Variants in BEAN1 observed in about 807,000 individuals in gnomAD.
BEAN1 encodes protein BEAN1.
Under a neutral mutation model 17.7 loss-of-function variants are expected in BEAN1, and 17 were observed. The observed-to-expected ratio is 0.96, with a 90% CI of 0.66 to 1.44. The LOEUF (loss-of-function observed/expected upper bound fraction) is 1.44. Among genes scored for constraint, BEAN1 ranks in the 40% most tolerant of loss-of-function variants. The pLI is 0.00. For synonymous variants in BEAN1, 142 were observed against 151.8 expected (o/e 0.94, Z 0.47); for missense variants, 359 against 374.1 (o/e 0.96, Z 0.33).
At chr16:66,466,931 C>T (rs1487514683) in intron 2 of BEAN1, among the ~76,000 whole-genome samples, 4 of 152,108 alleles carry the variant, frequency 2.6e-5, no homozygotes, top group Non-Finnish European at 2.9e-5. Context: ...GCAGACAAAT[C>T]CAATTTGTCA....
intron 4 of BEAN1, among the ~76,000 whole-genome samples, chr16:66,489,790 T>C (rs184102522): frequency 1.4e-4 from 21 of 152,200 alleles, no homozygotes; most frequent in African/African-American, 5.1e-4. Flanking sequence ...GGGGGCTACA[T>C]ACAGAAAGGG....
intron 1 of BEAN1, among the ~76,000 whole-genome samples, chr16:66,432,198 C>G (rs902624862): frequency 4.6e-5 from 7 of 152,208 alleles, no homozygotes; most frequent in African/African-American, 1.7e-4. Flanking sequence ...GTGCTTTCTG[C>G]CACTGGCTTC....
chr16:66,427,647 C>G lies in BEAN1; in HGVS notation c.-83+216C>G, dbSNP rs924428846. On this transcript the variant is annotated intron_variant, in intron 1 of 4. Transcript: ENST00000536005. This position sits in a 1 kb window ranked among gnomAD's most constrained non-coding sequence, Gnocchi z 4.7. ...CGGGTCTCCCGCGGACCCTCGACCCCGGGCTGGCCACTGGGATCTGCGCGA... is the reference window on the plus strand; with the variant it reads ...CGGGTCTCCCGCGGACCCTCGACCCGGGGCTGGCCACTGGGATCTGCGCGA... 53 of 152,218 alleles carry G rather than the reference C, an allele frequency of 3.5e-4. No individual in the cohort carries two copies. The highest frequency in any genetic ancestry group is 3.3e-3 in the Admixed American group (50 of 15,302). The allele number at this position is 152,218 out of a possible 1,614,324, so 9.4% of individuals were successfully genotyped here. A position where few individuals can be genotyped will look rare whatever the true frequency, so the allele number is the denominator to read the frequency against.
rs1184644532 is a variant in BEAN1, at chr16:66,469,816, CCAT to C, written c.246_248del (p.His84del). ...ACCGCCACCACCGCCACCACCACCA[CCAT>C]CATCACCACCGCCGGCGTCGACACC... On this transcript the variant is annotated inframe_deletion, in exon 3 of 5. Transcript: ENST00000536005. 3.3e-6 allele frequency: 5 copies of C among 1,535,600 alleles called. No homozygotes were observed. Among genetic ancestry groups the C allele is most frequent in the Admixed American group, 3.9e-5 (2 of 50,998 alleles).
intron 4 of BEAN1, among the ~76,000 whole-genome samples, chr16:66,480,327 C>G (rs554574209): frequency 2.7e-4 from 41 of 152,288 alleles, no homozygotes; most frequent in Non-Finnish European, 5.3e-4. Context: ...CACCGCAGAC[C>G]CAGGCAGCTC....
At chr16:66,454,901 C>T (rs1267288252) in intron 2 of BEAN1, among the ~76,000 whole-genome samples, 1 of 151,988 alleles carries the variant, frequency 6.6e-6, no homozygotes. Flanking sequence ...GACTGGGGAG[C>T]AGAGCTGGTG....
chr16:66,485,140 C>T (rs760118642), downstream of BEAN1: 32 of 453,026 alleles, frequency 7.1e-5, no homozygotes, highest in South Asian at 3.1e-4. Context: ...ACAGCCACCA[C>T]GAGGAACATC....
At chr16:66,487,899 T>A (rs1479880425) in intron 4 of BEAN1, among the ~76,000 whole-genome samples, 1 of 152,006 alleles carries the variant, frequency 6.6e-6, no homozygotes, top group Admixed American at 6.6e-5. Flanking sequence ...AGAGAGCAGG[T>A]TCTCACGAAA....
At chr16:66,451,642 C>A (rs899165096) in intron 2 of BEAN1, among the ~76,000 whole-genome samples, 1 of 152,174 alleles carries the variant, frequency 6.6e-6, no homozygotes, top group Non-Finnish European at 1.5e-5. Flanking sequence ...CTATTATGAG[C>A]CAGGCATCCT....
At chr16:66,437,858 G>A in intron 2 of BEAN1, 157 bp downstream of exon 2, 2 of 951,682 alleles carry the variant, frequency 2.1e-6, no homozygotes, top group Non-Finnish European at 3.3e-6. Context: ...GGGCAACACG[G>A]AAGACCCCTG....
intron 1 of BEAN1, among the ~76,000 whole-genome samples, chr16:66,430,904 G>T (rs1961771591): frequency 6.6e-6 from 1 of 152,070 alleles, no homozygotes; most frequent in Non-Finnish European, 1.5e-5. Flanking sequence ...ACAAACATAT[G>T]GTCTATTATT....
chr16:66,444,930 G>T (rs904788479), intron 2 of BEAN1, among the ~76,000 whole-genome samples: 1 of 152,200 alleles, frequency 6.6e-6, no homozygotes, highest in Non-Finnish European at 1.5e-5. Flanking sequence ...GCTCCATCAT[G>T]GTTCCTATTG....
At chr16:66,428,222 C>T in intron 1 of BEAN1, 1 of 152,732 alleles carries the variant, frequency 6.5e-6, no homozygotes. Context: ...CCTTCCCTAT[C>T]GGGCTCTGCG....
At chr16:66,435,404 T>G (rs796150214) in intron 1 of BEAN1, among the ~76,000 whole-genome samples, 40 of 152,310 alleles carry the variant, frequency 2.6e-4, no homozygotes, top group African/African-American at 9.1e-4. Flanking sequence ...AGGTATTTGG[T>G]GAATGTGAGC....
At chr16:66,438,252 TG>T (rs1962109346) in intron 2 of BEAN1, among the ~76,000 whole-genome samples, 1 of 151,974 alleles carries the variant, frequency 6.6e-6, no homozygotes, top group African/African-American at 2.4e-5. Flanking sequence ...GGCATGGTGG[TG>T]GGCGCCTGTA....
chr16:66,427,762 A>C lies in BEAN1; in HGVS notation c.-83+331A>C, dbSNP rs541490302. On this transcript the variant is annotated intron_variant, in intron 1 of 4. Transcript: ENST00000536005. This position sits in a 1 kb window ranked among gnomAD's most constrained non-coding sequence, Gnocchi z 4.7. ...TGACTCGAGTCCCCGACGAGCATCA[A>C]CCGCATTTGGGGAACCCAAGACAGC... 2 of 152,024 alleles carry C rather than the reference A, an allele frequency of 1.3e-5. No homozygotes were observed. The highest frequency in any genetic ancestry group is 4.8e-5 in the African/African-American group (2 of 41,372). 9.4% of individuals were successfully genotyped at this position (152,024 alleles called of 1,614,324 possible).
At chr16:66,453,024 C>A (rs1962732760) in intron 2 of BEAN1, among the ~76,000 whole-genome samples, 1 of 152,154 alleles carries the variant, frequency 6.6e-6, no homozygotes, top group Admixed American at 6.5e-5. Flanking sequence ...CCTCATAAAG[C>A]TGCTAAGATT....
chr16:66,437,657 T>C lies in BEAN1; in HGVS notation c.-20T>C, dbSNP rs1962081316. 3 of 1,535,782 alleles carry C rather than the reference T, an allele frequency of 2.0e-6. No homozygotes were observed. Among genetic ancestry groups the C allele is most frequent in the Non-Finnish European group, 2.6e-6 (3 of 1,146,752 alleles). ...GTGCCCGTGGGCAGGCTGGCTCCGC[T>C]GTTCTGCTCCAAGGATTACATGTCC... On this transcript the variant is annotated 5_prime_UTR_variant, in exon 2 of 5. Coordinates refer to ENST00000536005, the MANE Select transcript of BEAN1 (RefSeq NM_001178020.3).
intron 2 of BEAN1, among the ~76,000 whole-genome samples, chr16:66,455,860 T>A (rs530103628): frequency 2.0e-5 from 3 of 152,182 alleles, no homozygotes; most frequent in Admixed American, 6.5e-5. Context: ...CTAATTTTGG[T>A]ATTTTTTTAA....
Sources: allele counts gnomAD v4.1 joint callset (sites outside exome capture counted in the v4.1 genomes callset), GRCh38; gene constraint gnomAD v4.1.1; non-coding constraint Gnocchi (gnomAD v3.1); transcripts MANE v1.5; gene names NCBI Gene and HGNC (gene_info 2026-07-23, HGNC 2026-07-21).